ZFPM1: variants seen among roughly 807,000 people sequenced by gnomAD.
ZFPM1 encodes zinc finger protein ZFPM1.
Under a neutral mutation model 46.3 loss-of-function variants are expected in ZFPM1, and 28 were observed. That is an observed-to-expected ratio of 0.60 (90% CI 0.45 to 0.83). The LOEUF is 0.83. ZFPM1 is among the 40% of genes least tolerant of loss of function. The probability of loss-of-function intolerance (pLI) is 0.00; values close to 1 mark genes in which losing one functional copy is unlikely to be tolerated. For synonymous variants in ZFPM1, 957 were observed against 675.9 expected (o/e 1.42, Z -6.45); for missense variants, 1,878 against 1,432.4 (o/e 1.31, Z -5.02).
chr16:88,453,698 CGGTCCCCT>C lies in ZFPM1; in HGVS notation c.40+21_40+28del. ...TCAAGCGTGAGTCAAACTTTGCCCG[CGGTCCCCT>C]CCGCGCGCCCGACCCCCGCCGGAGC... is the stretch of plus-strand genomic sequence containing the variant. On this transcript the variant is annotated intron_variant, in intron 1 of 9. Coordinates refer to ENST00000319555, the MANE Select transcript of ZFPM1 (RefSeq NM_153813.3). 8.4e-7 allele frequency: 1 copy of C among 1,189,934 alleles called. No homozygotes were observed. The highest frequency in any genetic ancestry group is 1.1e-6 in the Non-Finnish European group (1 of 944,346). The allele number at this position is 1,189,934 out of a possible 1,614,324, so 73.7% of individuals were successfully genotyped here. A position where few individuals can be genotyped will look rare whatever the true frequency, so the allele number is the denominator to read the frequency against.
chr16:88,499,143 C>T (rs1027706691), intron 3 of ZFPM1, among the ~76,000 whole-genome samples: 6 of 152,186 alleles, frequency 3.9e-5, no homozygotes, highest in Admixed American at 1.3e-4. Context: ...ACCCTGGGGC[C>T]TGGCTGACCT....
rs370456932 is a variant in ZFPM1, at chr16:88,493,315, G to C, written c.268+4162G>C. Among the ~76,000 whole-genome samples the C allele has an allele frequency of 4.1e-5, 6 of 147,404 alleles. No homozygotes were observed. In the East Asian group the frequency reaches 8.2e-4, roughly 20 times the overall value. On this transcript the variant is annotated intron_variant, in intron 3 of 9. Coordinates refer to ENST00000319555, the MANE Select transcript of ZFPM1 (RefSeq NM_153813.3). Reference sequence around the variant, plus strand: ...TTCCGGGGTGGAGAAAGCTGTCCTGGGGTGTGGGAAATTGTCCCGGGGTGG... The same window carrying C: ...TTCCGGGGTGGAGAAAGCTGTCCTGCGGTGTGGGAAATTGTCCCGGGGTGG...
chr16:88,468,331 A>G (rs1908252943), intron 1 of ZFPM1, among the ~76,000 whole-genome samples: 1 of 152,044 alleles, frequency 6.6e-6, no homozygotes, highest in Non-Finnish European at 1.5e-5. Context: ...GGGTGCTCTG[A>G]AAGTCATCAT....
chr16:88,501,126 G>GGTGCGTGGGCC (rs1567540949), intron 3 of ZFPM1, among the ~76,000 whole-genome samples: 10 of 145,564 alleles, frequency 6.9e-5, no homozygotes, highest in South Asian at 2.1e-4. Context: ...AGCAGACATG[G>GGTGCGTGGGCC]ATGCGGGGGC....
At chr16:88,470,538 G>A (rs1908369736) in intron 1 of ZFPM1, among the ~76,000 whole-genome samples, 1 of 147,882 alleles carries the variant, frequency 6.8e-6, no homozygotes, top group African/African-American at 2.5e-5. Context: ...ACGGTGTGGA[G>A]GGCCGGGTGG....
chr16:88,517,491 G>T (rs533015462), intron 4 of ZFPM1, among the ~76,000 whole-genome samples: 1 of 149,404 alleles, frequency 6.7e-6, no homozygotes. Flanking sequence ...TGGATGGATG[G>T]ATGGATGGAT....
chr16:88,514,754 AGGG>A (rs1234847312), intron 4 of ZFPM1, among the ~76,000 whole-genome samples: 1 of 152,126 alleles, frequency 6.6e-6, no homozygotes, highest in Non-Finnish European at 1.5e-5. Context: ...TTCCTGGAGG[AGGG>A]GTTCTTTAAG....
chr16:88,500,209 A>G (rs1179256418), intron 3 of ZFPM1, among the ~76,000 whole-genome samples: 1 of 139,544 alleles, frequency 7.2e-6, no homozygotes, highest in African/African-American at 2.7e-5. Context: ...CAGGCCCACC[A>G]GAGTCACCTG....
chr16:88,493,710 T>C (rs1000867966), intron 3 of ZFPM1, among the ~76,000 whole-genome samples: 1 of 152,108 alleles, frequency 6.6e-6, no homozygotes, highest in Admixed American at 6.5e-5. Flanking sequence ...CACATGGCCA[T>C]TGTCTTGACT....
At chr16:88,479,068 G>A (rs575256452) in intron 1 of ZFPM1, among the ~76,000 whole-genome samples, 4 of 152,298 alleles carry the variant, frequency 2.6e-5, no homozygotes, top group East Asian at 1.9e-4. Context: ...CAGGCTCTGC[G>A]CCCACTCCCT....
chr16:88,516,778 C>T (rs1304068793), intron 4 of ZFPM1: 2 of 392,668 alleles, frequency 5.1e-6, no homozygotes, highest in Non-Finnish European at 9.0e-6. Flanking sequence ...CAGCTGCTGC[C>T]AGTTTTTCTT....
intron 6 of ZFPM1, among the ~76,000 whole-genome samples, chr16:88,528,566 C>T (rs1305404054): frequency 2.6e-5 from 4 of 152,196 alleles, no homozygotes; most frequent in Non-Finnish European, 4.4e-5. Context: ...TGACTGTGGG[C>T]CAGAGCAGGA....
intron 3 of ZFPM1, among the ~76,000 whole-genome samples, chr16:88,502,372 C>G (rs1439557079): frequency 6.6e-6 from 1 of 152,034 alleles, no homozygotes; most frequent in Non-Finnish European, 1.5e-5. Flanking sequence ...GGGGCCCGGG[C>G]GCCGGGCACT....
intron 3 of ZFPM1, among the ~76,000 whole-genome samples, chr16:88,504,709 A>G (rs1378357575): frequency 6.6e-6 from 1 of 152,174 alleles, no homozygotes; most frequent in Non-Finnish European, 1.5e-5. Context: ...GACGGGGCCA[A>G]GGTAGTGGTG....
At chr16:88,490,889 C>T (rs1909527750) in intron 3 of ZFPM1, among the ~76,000 whole-genome samples, 1 of 152,192 alleles carries the variant, frequency 6.6e-6, no homozygotes, top group Admixed American at 6.5e-5. Flanking sequence ...ACCTGGGACC[C>T]ACAGATGGTG....
At chr16:88,486,111 C>T (rs892519252) in intron 2 of ZFPM1, 68 bp downstream of exon 2, 2 of 1,465,944 alleles carry the variant, frequency 1.4e-6, no homozygotes, top group Admixed American at 2.0e-5. Flanking sequence ...GTACCATGCC[C>T]TCAGAGCTCA....
intron 3 of ZFPM1, among the ~76,000 whole-genome samples, chr16:88,503,794 A>C (rs12445442): frequency 0.084 from 12,776 of 152,086 alleles, 757 homozygotes; most frequent in African/African-American, 0.16. Context: ...CCTGTACCCC[A>C]GTTAGCGCCT....
At chr16:88,508,300 A>T (rs943454250) in intron 3 of ZFPM1, among the ~76,000 whole-genome samples, 12 of 152,132 alleles carry the variant, frequency 7.9e-5, no homozygotes, top group Non-Finnish European at 1.5e-4. Context: ...CTGTCTCAAA[A>T]AAAAAGAAAG....
intron 1 of ZFPM1, among the ~76,000 whole-genome samples, chr16:88,477,362 C>G (rs995884729): frequency 6.6e-6 from 1 of 152,224 alleles, no homozygotes; most frequent in Non-Finnish European, 1.5e-5. Flanking sequence ...AGATTTGGGT[C>G]ACCGCGGTGT....
Sources: gnomAD v4.1 joint callset for allele counts (sites outside exome capture counted in the v4.1 genomes callset) on GRCh38, gnomAD v4.1.1 for gene constraint, MANE v1.5 for transcripts, NCBI Gene and HGNC (gene_info 2026-07-23, HGNC 2026-07-21) for gene names.